CADM1: variants seen among roughly 807,000 people sequenced by gnomAD.
The protein encoded by CADM1 is cell adhesion molecule 1, also known as TSLC-1.
In CADM1, 15 loss-of-function variants were observed where a neutral mutation model predicts 53.1. The ratio of observed to expected loss-of-function variants is 0.28; its 90% CI spans 0.19 to 0.44. The LOEUF is 0.44. Ranked by LOEUF, CADM1 falls within the 20% of genes least tolerant of loss-of-function variation. The pLI is 1.00. For missense variants in CADM1, 434 were observed against 611.3 expected (o/e 0.71, Z 3.06); for synonymous variants, 281 against 243.0 (o/e 1.16, Z -1.45).
At chr11:115,375,017 T>C (rs1337896137) in intron 1 of CADM1, among the ~76,000 whole-genome samples, 1 of 152,188 alleles carries the variant, frequency 6.6e-6, no homozygotes, top group African/African-American at 2.4e-5. Flanking sequence ...GAAAATATTA[T>C]TGTGGTTATC....
At chr11:115,228,428 C>T (rs2134838658) in intron 5 of CADM1, among the ~76,000 whole-genome samples, 1 of 152,286 alleles carries the variant, frequency 6.6e-6, no homozygotes, top group South Asian at 2.1e-4. Flanking sequence ...TCAAAGATCA[C>T]CTTGATTTTT....
intron 1 of CADM1, among the ~76,000 whole-genome samples, chr11:115,435,571 A>G (rs1948165764): frequency 6.6e-6 from 1 of 151,956 alleles, no homozygotes; most frequent in Admixed American, 6.6e-5. Context: ...CCTCTCTACT[A>G]AAAATACAAA....
At chr11:115,278,694 G>C (rs1440739943) in intron 1 of CADM1, among the ~76,000 whole-genome samples, 1 of 152,194 alleles carries the variant, frequency 6.6e-6, no homozygotes, top group South Asian at 2.1e-4. Context: ...TGTGTGATAA[G>C]GGTGGGAAAT....
chr11:115,185,568 C>G (rs189073270), intron 10 of CADM1, among the ~76,000 whole-genome samples: 1 of 152,232 alleles, frequency 6.6e-6, no homozygotes, highest in Admixed American at 6.5e-5. Flanking sequence ...TCTCAAATTC[C>G]TTGATTTAGT....
At chr11:115,220,217 C>T (rs1177643024) in intron 5 of CADM1, among the ~76,000 whole-genome samples, 1 of 152,052 alleles carries the variant, frequency 6.6e-6, no homozygotes, top group Non-Finnish European at 1.5e-5. Context: ...TATTTTTCAG[C>T]ATAGTGCACT....
At chr11:115,210,359 A>C (rs150272854) in intron 7 of CADM1, among the ~76,000 whole-genome samples, 13 of 152,344 alleles carry the variant, frequency 8.5e-5, no homozygotes, top group Middle Eastern at 3.4e-3. Flanking sequence ...TAAAACTGAA[A>C]GAACGTTTTC....
chr11:115,232,431 T>A (rs545753080), intron 3 of CADM1, among the ~76,000 whole-genome samples: 2 of 152,196 alleles, frequency 1.3e-5, no homozygotes, highest in Non-Finnish European at 2.9e-5. Context: ...GAAATGCCAA[T>A]TAGTTTGCAG....
intron 10 of CADM1, among the ~76,000 whole-genome samples, chr11:115,187,170 TATC>T (rs1456938849): frequency 6.6e-6 from 1 of 152,218 alleles, no homozygotes; most frequent in Non-Finnish European, 1.5e-5. Context: ...AATGTTTTAT[TATC>T]ATTATTGTTG....
chr11:115,272,119 A>G (rs1018205914), intron 1 of CADM1, among the ~76,000 whole-genome samples: 5 of 151,872 alleles, frequency 3.3e-5, no homozygotes, highest in Non-Finnish European at 5.9e-5. Flanking sequence ...TTGCTCTATA[A>G]TTTTGTTAAA....
intron 1 of CADM1, among the ~76,000 whole-genome samples, chr11:115,446,146 C>T (rs1163652916): frequency 1.3e-5 from 2 of 152,118 alleles, no homozygotes; most frequent in Non-Finnish European, 2.9e-5. Flanking sequence ...ATTTATAGAA[C>T]ACCTACTATG....
At chr11:115,474,102 G>C (rs966849449) in intron 1 of CADM1, among the ~76,000 whole-genome samples, 1 of 151,704 alleles carries the variant, frequency 6.6e-6, no homozygotes, top group Non-Finnish European at 1.5e-5. Context: ...AGACCATCCT[G>C]GCTAATATGG....
At position 115,176,051 on chromosome 11, in the gene CADM1, A is replaced by G; in HGVS notation, c.*423T>C. The G allele has an allele frequency of 9.2e-7, 1 of 1,086,688 alleles. No individual in the cohort carries two copies. Among genetic ancestry groups the G allele is most frequent in the South Asian group, 2.7e-5 (1 of 37,566 alleles). The allele number at this position is 1,086,688 out of a possible 1,614,324, so 67.3% of individuals were successfully genotyped here. A position where few individuals can be genotyped will look rare whatever the true frequency, so the allele number is the denominator to read the frequency against. On this transcript the variant is annotated 3_prime_UTR_variant, in exon 12 of 12. Transcript: ENST00000331581. ...CAGAAAAGGGAAGGAAAAGAGTCTA[A>G]GGAATCCCAGCAGGCAAATTCCAAA...
intron 8 of CADM1, 110 bp from the exon 9 acceptor site, chr11:115,198,548 A>G: frequency 1.3e-6 from 1 of 790,108 alleles, no homozygotes; most frequent in Non-Finnish European, 2.1e-6. Flanking sequence ...GCAAGCTTTC[A>G]AAGAACATCG....
intron 3 of CADM1, among the ~76,000 whole-genome samples, chr11:115,236,339 C>A (rs1565315999): frequency 6.6e-6 from 1 of 152,104 alleles, no homozygotes; most frequent in Non-Finnish European, 1.5e-5. Context: ...ATGAAGGACT[C>A]AAACACTGAT....
chr11:115,463,201 T>C (rs954267251), intron 1 of CADM1, among the ~76,000 whole-genome samples: 69 of 152,192 alleles, frequency 4.5e-4, no homozygotes, highest in African/African-American at 1.6e-3. Flanking sequence ...GACCCCACTC[T>C]GGAAGCCCTC....
At chr11:115,216,704 T>C (rs1379811741) in intron 6 of CADM1, among the ~76,000 whole-genome samples, 1 of 152,102 alleles carries the variant, frequency 6.6e-6, no homozygotes, top group Non-Finnish European at 1.5e-5. Flanking sequence ...AAACTCCACA[T>C]GGTTAGCACA....
intron 1 of CADM1, among the ~76,000 whole-genome samples, chr11:115,347,440 A>G (rs1326670355): frequency 6.6e-6 from 1 of 152,166 alleles, no homozygotes; most frequent in Non-Finnish European, 1.5e-5. Context: ...TATTAGCATC[A>G]CATACAAGCT....
intron 1 of CADM1, among the ~76,000 whole-genome samples, chr11:115,492,867 G>A (rs893546312): frequency 3.3e-5 from 5 of 151,720 alleles, no homozygotes; most frequent in African/African-American, 1.2e-4. Flanking sequence ...CTTGAACACA[G>A]GGCCCCTACC....
At chr11:115,300,003 A>G (rs910673757) in intron 1 of CADM1, among the ~76,000 whole-genome samples, 1 of 152,212 alleles carries the variant, frequency 6.6e-6, no homozygotes, top group African/African-American at 2.4e-5. Flanking sequence ...AAAAGCATCC[A>G]AAATTCCTTT....
Sources: gnomAD v4.1 joint callset for allele counts (sites outside exome capture counted in the v4.1 genomes callset) on GRCh38, gnomAD v4.1.1 for gene constraint, MANE v1.5 for transcripts, NCBI Gene and HGNC (gene_info 2026-07-23, HGNC 2026-07-21) for gene names.